NKX2-2: variants seen among roughly 807,000 people sequenced by gnomAD.
NKX2-2 encodes the protein homeobox protein Nkx-2.2.
NKX2-2 carries 8 observed loss-of-function variants against 24.6 expected under a neutral mutation model. That is an observed-to-expected ratio of 0.32 (90% CI 0.19 to 0.59). NKX2-2 has a LOEUF of 0.59. Among genes scored for constraint, NKX2-2 ranks in the 20% least tolerant of loss-of-function variants. The pLI, the probability that NKX2-2 is intolerant of heterozygous loss-of-function variation, is 0.86. For synonymous variants in NKX2-2, 217 were observed against 173.3 expected (o/e 1.25, Z -1.98); for missense variants, 381 against 373.9 (o/e 1.02, Z -0.16).
upstream of NKX2-2, among the ~76,000 whole-genome samples, chr20:21,514,400 C>CT (rs201392848): frequency 8.0e-4 from 109 of 136,758 alleles, no homozygotes; most frequent in Non-Finnish European, 1.3e-3. Flanking sequence ...CGGGGCGAGC[C>CT]TTTTTTTTTT....
chr20:21,517,426 G>T (rs867089178), upstream of NKX2-2, among the ~76,000 whole-genome samples: 2 of 152,170 alleles, frequency 1.3e-5, no homozygotes, highest in Non-Finnish European at 1.5e-5. Context: ...AGCCTCTCCC[G>T]GGACCTCGAG....
the NKX2-2 span, among the ~76,000 whole-genome samples, chr20:21,522,440 G>A: frequency 1.3e-5 from 2 of 152,114 alleles, no homozygotes; most frequent in African/African-American, 2.4e-5. Context: ...GCCTGGCAGC[G>A]AGGGCGACGC....
At chr20:21,518,128 G>A (rs545582153), upstream of NKX2-2, among the ~76,000 whole-genome samples, 290 of 152,304 alleles carry the variant, frequency 1.9e-3, 3 homozygotes, top group African/African-American at 6.8e-3. Context: ...AAGATGCCTC[G>A]TTCTGCTGCA....
At chr20:21,519,924 T>C in the NKX2-2 span, among the ~76,000 whole-genome samples, 61 of 151,980 alleles carry the variant, frequency 4.0e-4, no homozygotes, top group Non-Finnish European at 7.5e-4. Flanking sequence ...TCACAGCCAT[T>C]GGACAGGTGG....
the NKX2-2 span, among the ~76,000 whole-genome samples, chr20:21,520,962 C>T: frequency 6.6e-6 from 1 of 152,120 alleles, no homozygotes; most frequent in African/African-American, 2.4e-5. Flanking sequence ...AAAATCATTA[C>T]CACAAGACTT....
chr20:21,514,203 G>A (rs1316224480), upstream of NKX2-2, among the ~76,000 whole-genome samples: 1 of 151,974 alleles, frequency 6.6e-6, no homozygotes, highest in Non-Finnish European at 1.5e-5. Context: ...CGGGAGAAGG[G>A]TGGAAAAAAG....
At chr20:21,516,543 G>A (rs537936258), upstream of NKX2-2, among the ~76,000 whole-genome samples, 41 of 152,212 alleles carry the variant, frequency 2.7e-4, no homozygotes, top group African/African-American at 9.9e-4. Context: ...ATCCAGGGGC[G>A]GGAGTGGGCC....
At position 21,513,341 on chromosome 20, in the gene NKX2-2, C is replaced by A. The variant is rs978359067; in HGVS notation, c.259+70G>T. The A allele has an allele frequency of 2.7e-5, 40 of 1,459,836 alleles. No individual in the cohort carries two copies. The Middle Eastern group carries it at 5.7e-4, about 21-fold the overall frequency. 90.4% of individuals were successfully genotyped at this position (1,459,836 alleles called of 1,614,324 possible). ...TGGCCCCTTCCCCTTTCACTCCCAG[C>A]GTCCAACCCGGGCTGCGGCTGCAGG... On this transcript the variant is annotated intron_variant, in intron 1 of 1. Transcript: ENST00000377142. This position sits in a 1 kb window ranked among gnomAD's most constrained non-coding sequence, Gnocchi z 4.6.
At chr20:21,517,888 G>T (rs73900311), upstream of NKX2-2, among the ~76,000 whole-genome samples, 46,233 of 151,962 alleles carry the variant, frequency 0.3, 7,092 homozygotes, top group African/African-American at 0.35. Context: ...GCCCTGCCCC[G>T]CTCCCTTCCC....
rs929255293 is a variant in NKX2-2, at chr20:21,513,467, C to G, written c.203G>C (p.Ser68Thr). Residue 68 changes from serine (S) to threonine (T), a missense_variant, in exon 1 of 2, where the codon AGC becomes ACC. Transcript: ENST00000377142. This position sits in a 1 kb window ranked among gnomAD's most constrained non-coding sequence, Gnocchi z 4.6. Reference protein sequence around the residue: ...SLPLKNPFYDSSDNPYTRWLA... With the variant: ...SLPLKNPFYDTSDNPYTRWLA... Reference sequence around the variant, plus strand: ...CCAGCGCGTGTACGGGTTGTCGCTGCTGTCGTAGAAGGGGTTCTTCAGGGG... The same window carrying G: ...CCAGCGCGTGTACGGGTTGTCGCTGGTGTCGTAGAAGGGGTTCTTCAGGGG... 1.2e-6 allele frequency: 2 copies of G among 1,605,718 alleles called. No individual in the cohort carries two copies. Among genetic ancestry groups the G allele is most frequent in the Non-Finnish European group, 8.5e-7 (1 of 1,176,084 alleles).
the NKX2-2 span, among the ~76,000 whole-genome samples, chr20:21,522,262 G>T: frequency 6.6e-6 from 1 of 152,202 alleles, no homozygotes; most frequent in Non-Finnish European, 1.5e-5. Flanking sequence ...GTCAGGACCC[G>T]GGAGAGCGAG....
chr20:21,520,205 A>AC, the NKX2-2 span, among the ~76,000 whole-genome samples: 1 of 151,870 alleles, frequency 6.6e-6, no homozygotes, highest in Non-Finnish European at 1.5e-5. Context: ...AGTGGCGGGA[A>AC]CCCCATTGAT....
the NKX2-2 span, among the ~76,000 whole-genome samples, chr20:21,519,328 T>C: frequency 6.6e-6 from 1 of 152,206 alleles, no homozygotes; most frequent in Non-Finnish European, 1.5e-5. Context: ...ATTAGTTTAT[T>C]GTCTGGTTAG....
chr20:21,520,107 C>CT, the NKX2-2 span, among the ~76,000 whole-genome samples: 120 of 152,122 alleles, frequency 7.9e-4, 2 homozygotes, highest in East Asian at 0.022. Flanking sequence ...CCCAAGTCAA[C>CT]TAAGAAGGAG....
chr20:21,519,790 A>C, the NKX2-2 span, among the ~76,000 whole-genome samples: 1 of 152,202 alleles, frequency 6.6e-6, no homozygotes, highest in African/African-American at 2.4e-5. Context: ...ACAGGGTCAT[A>C]GGAAATCCCT....
upstream of NKX2-2, among the ~76,000 whole-genome samples, chr20:21,515,440 G>C (rs1241385831): frequency 6.6e-6 from 1 of 152,112 alleles, no homozygotes; most frequent in Non-Finnish European, 1.5e-5. Flanking sequence ...CGGAGTACGC[G>C]CTCCACGTTT....
At chr20:21,517,564 GTT>G (rs1980671604), upstream of NKX2-2, among the ~76,000 whole-genome samples, 1 of 152,202 alleles carries the variant, frequency 6.6e-6, no homozygotes, top group Non-Finnish European at 1.5e-5. Flanking sequence ...AACTGGGCTT[GTT>G]AGTGGAAGAT....
chr20:21,522,063 C>T, the NKX2-2 span, among the ~76,000 whole-genome samples: 2 of 152,234 alleles, frequency 1.3e-5, no homozygotes, highest in African/African-American at 4.8e-5. Flanking sequence ...CCGGAAAGTG[C>T]GCAGCGGCGG....
Position 21,512,433 on chromosome 20 carries a change from CG to C in NKX2-2, c.311del (p.Pro104ArgfsTer80). ...APPQDSSSKS[P>X]EPSADESPDN... is the part of the protein sequence containing the mutation. ...CCGGTGACTCGTCGGCCGAGGGCTCCGGGGACTTGGAGCTTGAGTCCTGAGG... is the reference window on the plus strand; with the variant it reads ...CCGGTGACTCGTCGGCCGAGGGCTCCGGGACTTGGAGCTTGAGTCCTGAGG... On this transcript the variant is annotated frameshift_variant, in exon 2 of 2. Transcript: ENST00000377142. LOFTEE classifies it high-confidence loss of function. The C allele has an allele frequency of 1.3e-6, 2 of 1,590,892 alleles. No homozygotes were observed. The highest frequency in any genetic ancestry group is 1.7e-5 in the Admixed American group (1 of 57,422).
Sources: gnomAD v4.1 joint callset for allele counts (sites outside exome capture counted in the v4.1 genomes callset) on GRCh38, gnomAD v4.1.1 for gene constraint, Gnocchi (gnomAD v3.1) non-coding constraint, MANE v1.5 for transcripts, NCBI Gene and HGNC (gene_info 2026-07-23, HGNC 2026-07-21) for gene names.